USP10: variants seen among roughly 807,000 people sequenced by gnomAD.
USP10 encodes the protein ubiquitin specific peptidase 10, also known as ubiquitin carboxyl-terminal hydrolase 10.
Under a neutral mutation model 84.5 loss-of-function variants are expected in USP10, and 22 were observed. The observed-to-expected ratio is 0.26, with a 90% CI of 0.19 to 0.37. The LOEUF (loss-of-function observed/expected upper bound fraction) is 0.37. Ranked by LOEUF, USP10 falls within the 10% of genes least tolerant of loss-of-function variation. USP10 has a pLI of 1.00. For synonymous variants in USP10, 454 were observed against 387.6 expected (o/e 1.17, Z -2.01); for missense variants, 1,019 against 998.9 (o/e 1.02, Z -0.27).
chr16:84,722,285 T>C (rs1302275194), intron 1 of USP10, among the ~76,000 whole-genome samples: 2 of 152,258 alleles, frequency 1.3e-5, no homozygotes, highest in Non-Finnish European at 2.9e-5. Flanking sequence ...GCCTTTTCAG[T>C]ACTGGGTAGT....
At chr16:84,755,247 C>A (rs2150840750) in intron 4 of USP10, among the ~76,000 whole-genome samples, 1 of 151,944 alleles carries the variant, frequency 6.6e-6, no homozygotes, top group Non-Finnish European at 1.5e-5. Context: ...CCACCTCTGG[C>A]ATCTTCGCCC....
chr16:84,734,958 A>G (rs1284373470), intron 2 of USP10, among the ~76,000 whole-genome samples: 1 of 152,110 alleles, frequency 6.6e-6, no homozygotes. Flanking sequence ...CGAGTGTGCT[A>G]TTCTGTGGGC....
intron 1 of USP10, among the ~76,000 whole-genome samples, chr16:84,702,940 C>T (rs1166268674): frequency 2.2e-5 from 3 of 135,302 alleles, no homozygotes; most frequent in African/African-American, 8.1e-5. Flanking sequence ...TTGCAGTGAG[C>T]CGAGATCATG....
chr16:84,727,443 C>T (rs187935019), intron 1 of USP10, among the ~76,000 whole-genome samples: 3 of 151,026 alleles, frequency 2.0e-5, no homozygotes, highest in African/African-American at 7.3e-5. Context: ...TCACAATTTT[C>T]AGTGTTAGCT....
chr16:84,704,860 G>T (rs1008199431), intron 1 of USP10: 22 of 1,535,634 alleles, frequency 1.4e-5, no homozygotes, highest in South Asian at 2.4e-5. Flanking sequence ...GAATAGGGCA[G>T]GTAAGGTGTT....
At chr16:84,709,075 G>A (rs1010082925) in intron 1 of USP10, 2 of 152,224 alleles carry the variant, frequency 1.3e-5, no homozygotes, top group Non-Finnish European at 2.9e-5. Flanking sequence ...AATAGTTACC[G>A]AGTGGCTGCT....
intron 1 of USP10, among the ~76,000 whole-genome samples, chr16:84,719,127 T>G (rs1006694939): frequency 6.6e-6 from 1 of 152,200 alleles, no homozygotes; most frequent in Non-Finnish European, 1.5e-5. Context: ...TTTTTGCCTT[T>G]ATTAACTTGT....
At chr16:84,728,086 TC>T (rs1157851008) in intron 1 of USP10, among the ~76,000 whole-genome samples, 9 of 152,204 alleles carry the variant, frequency 5.9e-5, no homozygotes, top group Admixed American at 2.6e-4. Context: ...TTGATAACAT[TC>T]CTCATTTTAC....
intron 10 of USP10, among the ~76,000 whole-genome samples, chr16:84,767,243 G>A (rs960531078): frequency 1.3e-5 from 2 of 151,798 alleles, no homozygotes; most frequent in Non-Finnish European, 2.9e-5. Flanking sequence ...TGCAGAAATA[G>A]AAGCCCTTGT....
chr16:84,709,976 G>C (rs538506585), intron 1 of USP10, among the ~76,000 whole-genome samples: 73 of 152,170 alleles, frequency 4.8e-4, no homozygotes, highest in Middle Eastern at 6.8e-3. Flanking sequence ...TCTGTGTTAA[G>C]ATAGCTGGTT....
At chr16:84,741,318 G>C (rs934787624) in intron 3 of USP10, among the ~76,000 whole-genome samples, 1 of 152,210 alleles carries the variant, frequency 6.6e-6, no homozygotes, top group Non-Finnish European at 1.5e-5. Flanking sequence ...GTAATAAAAT[G>C]AATGAAGCTT....
intron 4 of USP10, among the ~76,000 whole-genome samples, chr16:84,747,655 C>T (rs961207618): frequency 2.7e-5 from 4 of 148,742 alleles, no homozygotes; most frequent in Middle Eastern, 3.5e-3. Context: ...CCTCCGCCTC[C>T]TGGGTTCAAG....
At chr16:84,776,123 TG>T (rs2150877942) in intron 13 of USP10, among the ~76,000 whole-genome samples, 1 of 152,330 alleles carries the variant, frequency 6.6e-6, no homozygotes. Context: ...TCCTAGGAGA[TG>T]GGAGGTGGGA....
intron 4 of USP10, among the ~76,000 whole-genome samples, chr16:84,750,402 C>CT (rs1323518178): frequency 9.2e-6 from 1 of 108,636 alleles, no homozygotes; most frequent in African/African-American, 3.4e-5. Flanking sequence ...GTGAGACTGT[C>CT]TCAAAAAAAA....
rs529615642 is a variant in USP10, at chr16:84,735,984, C to T, written c.90+2481C>T. 5.3e-5 allele frequency among the ~76,000 whole-genome samples: 8 copies of T among 150,510 alleles called. No homozygotes were observed. In the East Asian group the frequency reaches 8.1e-4, roughly 15 times the overall value. On this transcript the variant is annotated intron_variant, in intron 2 of 13. Transcript: ENST00000219473. ...GTTGGGCCTGTGGGTGTGTGAGTGG[C>T]GAGGGCGTGTCACTTGGACCTGTGG...
intron 4 of USP10, among the ~76,000 whole-genome samples, chr16:84,748,968 T>A (rs1911579977): frequency 6.6e-6 from 1 of 152,222 alleles, no homozygotes; most frequent in South Asian, 2.1e-4. Flanking sequence ...TATGAAGATG[T>A]TTTAATTTTC....
chr16:84,735,909 T>C (rs1192723188), intron 2 of USP10, among the ~76,000 whole-genome samples: 1 of 152,132 alleles, frequency 6.6e-6, no homozygotes, highest in Non-Finnish European at 1.5e-5. Context: ...GAATCTGAAT[T>C]ATAATAGCAC....
rs993955950 is a variant in USP10 at position 84,749,376 on chromosome 16, A to G, written c.1192+3703A>G. On this transcript the variant is annotated intron_variant, in intron 4 of 13. Transcript: ENST00000219473. ...TGGGTTATAATAGAGTTTGACTTGC[A>G]TTAGTATCTAACTGTTTCTACTGAG... Among the ~76,000 whole-genome samples the G allele has an allele frequency of 5.3e-5, 8 of 152,208 alleles. 1 individual carries two copies. The highest frequency in any genetic ancestry group is 4.1e-4 in the South Asian group (2 of 4,834).
intron 11 of USP10, among the ~76,000 whole-genome samples, chr16:84,771,108 T>C (rs58123091): frequency 0.068 from 10,327 of 151,990 alleles, 378 homozygotes; most frequent in Non-Finnish European, 0.073. Context: ...TCAAAGACTT[T>C]GTAAGTACAG....
Sources: gnomAD v4.1 joint callset for allele counts (sites outside exome capture counted in the v4.1 genomes callset) on GRCh38, gnomAD v4.1.1 for gene constraint, MANE v1.5 for transcripts, NCBI Gene and HGNC (gene_info 2026-07-23, HGNC 2026-07-21) for gene names.